TOPAZ1: variants seen among roughly 807,000 people sequenced by gnomAD.
The protein encoded by TOPAZ1 is testis and ovary specific TOPAZ 1.
In TOPAZ1, 66 loss-of-function variants were observed where a neutral mutation model predicts 172.2. The observed-to-expected ratio is 0.38, with a 90% CI of 0.31 to 0.47. TOPAZ1 has a LOEUF of 0.47. Among genes scored for constraint, TOPAZ1 ranks in the 20% least tolerant of loss-of-function variants. The pLI, the probability that TOPAZ1 is intolerant of heterozygous loss-of-function variation, is 0.99. For missense variants in TOPAZ1, 1,822 were observed against 1,972.4 expected (o/e 0.92, Z 1.44); for synonymous variants, 681 against 683.9 (o/e 1.00, Z 0.07).
chr3:44,296,853 AAAAAAAAAAAAG>A (rs1427475475), intron 12 of TOPAZ1, among the ~76,000 whole-genome samples: 18 of 122,172 alleles, frequency 1.5e-4, no homozygotes, highest in African/African-American at 6.0e-4. Context: ...ATACCAAAAA[AAAAAAAAAAAAG>A]AAAAAAAAAA....
chr3:44,266,402 C>G lies in TOPAZ1; in HGVS notation c.3021-595C>G, dbSNP rs564145385. Among the ~76,000 whole-genome samples the G allele has an allele frequency of 2.0e-5, 3 of 152,316 alleles. No individual in the cohort carries two copies. The South Asian group carries it at 6.2e-4, about 32-fold the overall frequency. On this transcript the variant is annotated intron_variant, in intron 5 of 19. Transcript: ENST00000309765. ...TTAACTATTTGGTACAAGAAGCCTACCTTTTGGCCTGTCTTATCCGTCAAC... is the reference window on the plus strand; with the variant it reads ...TTAACTATTTGGTACAAGAAGCCTAGCTTTTGGCCTGTCTTATCCGTCAAC...
At chr3:44,274,801 G>A (rs971883147) in intron 8 of TOPAZ1, among the ~76,000 whole-genome samples, 3 of 152,034 alleles carry the variant, frequency 2.0e-5, no homozygotes, top group African/African-American at 7.2e-5. Context: ...TGATCTGCCT[G>A]CCTCAGCCTC....
Position 44,243,719 on chromosome 3 carries a change from G to C in TOPAZ1, c.1213G>C (p.Glu405Gln), listed in dbSNP as rs943741897. The change falls in exon 2 of 20, where the codon GAA becomes CAA. Residue 405 changes from glutamate (E) to glutamine (Q), a missense_variant. Transcript: ENST00000309765. ...AAGTGTCCCAGAAACAGTAGAAAAAGAAACAAGTTCTGAACATCATGTAAA... is the reference window on the plus strand; with the variant it reads ...AAGTGTCCCAGAAACAGTAGAAAAACAAACAAGTTCTGAACATCATGTAAA... ...LLSVPETVEK[E>Q]TSSEHHVNAV... 5.8e-6 allele frequency: 9 copies of C among 1,550,614 alleles called. No homozygotes were observed. The highest frequency in any genetic ancestry group is 7.0e-6 in the Non-Finnish European group (8 of 1,146,816).
At chr3:44,304,107 A>G in intron 13 of TOPAZ1, 26 bp downstream of exon 13, 2 of 1,307,822 alleles carry the variant, frequency 1.5e-6, no homozygotes, top group Non-Finnish European at 2.1e-6. Flanking sequence ...TTTTAAATAC[A>G]TTGCTGGGAT....
chr3:44,264,222 G>A (rs1014322284), intron 5 of TOPAZ1, among the ~76,000 whole-genome samples: 1 of 152,186 alleles, frequency 6.6e-6, no homozygotes, highest in Non-Finnish European at 1.5e-5. Flanking sequence ...TAGTTAAGAA[G>A]GCAGGAACAA....
chr3:44,248,480 A>G (rs1161662348), intron 2 of TOPAZ1, among the ~76,000 whole-genome samples: 1 of 152,092 alleles, frequency 6.6e-6, no homozygotes, highest in Non-Finnish European at 1.5e-5. Context: ...TAATATTTTT[A>G]TATTTGTTCT....
intron 17 of TOPAZ1, 31 bp downstream of exon 17, chr3:44,321,222 C>T (rs1700503225): frequency 6.7e-7 from 1 of 1,482,324 alleles, no homozygotes; most frequent in Non-Finnish European, 9.1e-7. Context: ...TCTTAATTAT[C>T]TCTTGCCCAT....
At chr3:44,310,565 T>C (rs1700387675) in intron 16 of TOPAZ1, among the ~76,000 whole-genome samples, 1 of 152,178 alleles carries the variant, frequency 6.6e-6, no homozygotes, top group Non-Finnish European at 1.5e-5. Flanking sequence ...TTCCCTGAAT[T>C]ATCCCAAATA....
chr3:44,320,947 T>C lies in TOPAZ1; in HGVS notation c.4307-80T>C, dbSNP rs1180655591. 4 of 919,866 alleles carry C rather than the reference T, an allele frequency of 4.3e-6. No individual in the cohort carries two copies. The East Asian group carries it at 8.7e-5, about 20-fold the overall frequency. 57.0% of individuals were successfully genotyped at this position (919,866 alleles called of 1,614,324 possible). ...GTTTTGCCTGTTTCTTCAAAAGATA[T>C]ATTGAAACATTAGTTGTGATTATAC... On this transcript the variant is annotated intron_variant, in intron 16 of 19. Coordinates refer to ENST00000309765, the MANE Select transcript of TOPAZ1 (RefSeq NM_001145030.2).
At chr3:44,257,189 G>A (rs1273314292) in intron 4 of TOPAZ1, among the ~76,000 whole-genome samples, 1 of 151,598 alleles carries the variant, frequency 6.6e-6, no homozygotes, top group Admixed American at 6.6e-5. Context: ...TTTTTAATTA[G>A]CAAGGCGTGC....
intron 12 of TOPAZ1, among the ~76,000 whole-genome samples, chr3:44,294,311 T>A (rs1441880102): frequency 6.6e-6 from 1 of 152,166 alleles, no homozygotes; most frequent in Non-Finnish European, 1.5e-5. Flanking sequence ...GTACTAACGT[T>A]GGTGACCTAT....
intron 16 of TOPAZ1, among the ~76,000 whole-genome samples, chr3:44,313,617 CAAAA>C (rs63007860): frequency 8.0e-5 from 8 of 99,710 alleles, no homozygotes; most frequent in African/African-American, 1.7e-4. Context: ...GACTCTGTCT[CAAAA>C]AAAAAAAAAA....
intron 9 of TOPAZ1, among the ~76,000 whole-genome samples, chr3:44,283,978 C>T (rs979657273): frequency 1.2e-4 from 18 of 152,074 alleles, no homozygotes; most frequent in Non-Finnish European, 1.8e-4. Flanking sequence ...CCAATTATGG[C>T]GTTTTATAGC....
At chr3:44,256,535 A>C (rs1699705870) in intron 4 of TOPAZ1, among the ~76,000 whole-genome samples, 1 of 152,206 alleles carries the variant, frequency 6.6e-6, no homozygotes, top group Non-Finnish European at 1.5e-5. Flanking sequence ...GAAGTTTGTC[A>C]CAAACCTATG....
chr3:44,313,650 A>C (rs1361529645), intron 16 of TOPAZ1, among the ~76,000 whole-genome samples: 1 of 150,890 alleles, frequency 6.6e-6, no homozygotes, highest in East Asian at 1.9e-4. Context: ...CCACTTTATT[A>C]GAAAATCTTA....
chr3:44,274,163 A>G (rs1409524812), intron 8 of TOPAZ1, among the ~76,000 whole-genome samples: 2 of 147,436 alleles, frequency 1.4e-5, no homozygotes, highest in Admixed American at 6.9e-5. Flanking sequence ...TAATCCCAGC[A>G]CTTTGGGAGG....
intron 12 of TOPAZ1, among the ~76,000 whole-genome samples, chr3:44,291,377 C>T (rs1191089041): frequency 2.0e-5 from 3 of 150,156 alleles, no homozygotes; most frequent in African/African-American, 4.9e-5. Flanking sequence ...CCGAGGCAGG[C>T]GGATCACAAG....
In TOPAZ1 at chr3:44,325,292, A is replaced by G. The variant is rs182904285; in HGVS notation, c.4675+1997A>G. On this transcript the variant is annotated intron_variant, in intron 18 of 19. Transcript: ENST00000309765. ...CAAGGCACTGTTAAGACTTGGTGCC[A>G]GTGCCTTTGTTTTGACTTTTTTTAA... Among the ~76,000 whole-genome samples the G allele has an allele frequency of 2.0e-5, 3 of 152,314 alleles. No homozygotes were observed. The East Asian group carries it at 5.8e-4, about 29-fold the overall frequency.
At chr3:44,266,958 T>C in intron 5 of TOPAZ1, 39 bp from the exon 6 acceptor site, 1 of 1,419,272 alleles carries the variant, frequency 7.0e-7, no homozygotes, top group Non-Finnish European at 9.5e-7. Context: ...TGTTTAAAAA[T>C]ACATTTAAAT....
Sources: allele counts gnomAD v4.1 joint callset (sites outside exome capture counted in the v4.1 genomes callset), GRCh38; gene constraint gnomAD v4.1.1; transcripts MANE v1.5; gene names NCBI Gene and HGNC (gene_info 2026-07-23, HGNC 2026-07-21).